AFF3: variants seen among roughly 807,000 people sequenced by gnomAD.
AFF3 encodes AF4/FMR2 family member 3.
In AFF3, 32 loss-of-function variants were observed where a neutral mutation model predicts 129.7. That is an observed-to-expected ratio of 0.25 (90% CI 0.19 to 0.33). The LOEUF is 0.33. Ranked by LOEUF, AFF3 falls within the 10% of genes least tolerant of loss-of-function variation. AFF3 has a pLI of 1.00. For synonymous variants in AFF3, 644 were observed against 635.4 expected, an observed-to-expected ratio of 1.01 and a Z score of -0.20; for missense variants, 1,373 against 1,592.0, an observed-to-expected ratio of 0.86 and a Z score of 2.34.
intron 11 of AFF3, among the ~76,000 whole-genome samples, chr2:99,677,037 G>A (rs1674004287): frequency 6.6e-6 from 1 of 152,196 alleles, no homozygotes; most frequent in Non-Finnish European, 1.5e-5. Flanking sequence ...GGGAGGCCAA[G>A]GCTGGCGGAT....
chr2:99,904,665 T>C (rs1694582768), intron 7 of AFF3, among the ~76,000 whole-genome samples: 2 of 152,192 alleles, frequency 1.3e-5, no homozygotes, highest in Admixed American at 6.5e-5. Flanking sequence ...TGTGTGTTTT[T>C]CATTTTGTTT....
chr2:99,743,517 T>C (rs1680889374), intron 10 of AFF3, among the ~76,000 whole-genome samples: 1 of 152,170 alleles, frequency 6.6e-6, no homozygotes, highest in Non-Finnish European at 1.5e-5. Flanking sequence ...TTAATACCAA[T>C]TAGTAGTGCC....
chr2:99,569,209 T>TA (rs35793382), intron 18 of AFF3, among the ~76,000 whole-genome samples: 13 of 150,992 alleles, frequency 8.6e-5, no homozygotes, highest in African/African-American at 2.7e-4. Context: ...ATTGTATGGT[T>TA]AAAAAAAAAG....
chr2:99,946,933 G>T (rs1675629092), intron 7 of AFF3, among the ~76,000 whole-genome samples: 2 of 152,084 alleles, frequency 1.3e-5, no homozygotes, highest in African/African-American at 4.8e-5. Flanking sequence ...CCCCATTCTA[G>T]ACAAAATGAT....
chr2:99,565,781 T>C (rs1675903646), intron 19 of AFF3, among the ~76,000 whole-genome samples, 158 bp from the exon 20 acceptor site: 1 of 152,216 alleles, frequency 6.6e-6, no homozygotes, highest in Non-Finnish European at 1.5e-5. Flanking sequence ...TTTTCCTACT[T>C]ATTTTCTCAA....
At chr2:99,970,325 T>C (rs1678231750) in intron 7 of AFF3, among the ~76,000 whole-genome samples, 1 of 152,150 alleles carries the variant, frequency 6.6e-6, no homozygotes, top group Non-Finnish European at 1.5e-5. Context: ...CCCCTTCTGC[T>C]TTCAAACAAT....
intron 7 of AFF3, among the ~76,000 whole-genome samples, chr2:99,914,975 T>A (rs1695375650): frequency 6.6e-6 from 1 of 152,026 alleles, no homozygotes; most frequent in African/African-American, 2.4e-5. Flanking sequence ...CAACTTACTC[T>A]CTGTAGATGT....
intron 11 of AFF3, among the ~76,000 whole-genome samples, chr2:99,713,030 A>T (rs1354484978): frequency 6.6e-6 from 1 of 152,246 alleles, no homozygotes; most frequent in African/African-American, 2.4e-5. Context: ...AGGTCCCCAG[A>T]GTAGTCAAAT....
chr2:99,937,489 C>G (rs1674625478), intron 7 of AFF3, among the ~76,000 whole-genome samples: 1 of 152,120 alleles, frequency 6.6e-6, no homozygotes, highest in African/African-American at 2.4e-5. Flanking sequence ...ACCTACGCCT[C>G]CCAGGTTCAA....
intron 4 of AFF3, among the ~76,000 whole-genome samples, chr2:100,100,699 C>T (rs1345077605): frequency 6.6e-6 from 1 of 152,224 alleles, no homozygotes; most frequent in East Asian, 1.9e-4. Flanking sequence ...CAGAAACCAG[C>T]ACAAGGTCTT....
intron 8 of AFF3, among the ~76,000 whole-genome samples, chr2:99,821,887 T>G (rs2105689290): frequency 6.6e-6 from 1 of 152,294 alleles, no homozygotes; most frequent in Middle Eastern, 3.4e-3. Context: ...ACAAGCAATC[T>G]GCAGCTTCTC....
intron 4 of AFF3, among the ~76,000 whole-genome samples, chr2:100,012,057 C>T (rs545870514): frequency 6.6e-6 from 1 of 152,248 alleles, no homozygotes; most frequent in African/African-American, 2.4e-5. Flanking sequence ...GTTCTACCCG[C>T]ATAACCAGCC....
chr2:99,626,410 TC>T (rs1682562456), intron 13 of AFF3, among the ~76,000 whole-genome samples: 1 of 68,352 alleles, frequency 1.5e-5, no homozygotes, highest in Non-Finnish European at 2.7e-5. Flanking sequence ...TTCCCTTCCC[TC>T]CCCTCCCTTT....
intron 8 of AFF3, among the ~76,000 whole-genome samples, chr2:99,775,926 T>C (rs1228086103): frequency 6.6e-6 from 1 of 152,168 alleles, no homozygotes; most frequent in Non-Finnish European, 1.5e-5. Context: ...AGGAAACAAG[T>C]CAATACCCAC....
intron 9 of AFF3, 78 bp downstream of exon 9, chr2:99,752,143 T>C (rs1311780176): frequency 2.3e-6 from 3 of 1,279,044 alleles, no homozygotes; most frequent in Non-Finnish European, 3.4e-6. Context: ...GAAAAGACAA[T>C]CACGGGTAAA....
At chr2:99,861,060 T>G (rs1420084864) in intron 7 of AFF3, among the ~76,000 whole-genome samples, 1 of 152,164 alleles carries the variant, frequency 6.6e-6, no homozygotes, top group Admixed American at 6.5e-5. Flanking sequence ...GATTCTCTCC[T>G]TTGTGGAGAG....
intron 8 of AFF3, among the ~76,000 whole-genome samples, chr2:99,777,294 T>C (rs1237285380): frequency 2.6e-5 from 4 of 152,138 alleles, no homozygotes. Flanking sequence ...CAGTTCTTCC[T>C]GCACAGAGGA....
At chr2:99,944,768 G>C (rs1251615121) in intron 7 of AFF3, among the ~76,000 whole-genome samples, 6 of 152,152 alleles carry the variant, frequency 3.9e-5, no homozygotes, top group Non-Finnish European at 7.3e-5. Context: ...TAGCCAGAGT[G>C]ATATATAGTA....
chr2:99,794,402 G>T (rs2105464063), intron 8 of AFF3, among the ~76,000 whole-genome samples: 1 of 152,298 alleles, frequency 6.6e-6, no homozygotes, highest in African/African-American at 2.4e-5. Flanking sequence ...GTATTACTAA[G>T]ACATAGCTAG....
Sources: gnomAD v4.1 joint callset for allele counts (sites outside exome capture counted in the v4.1 genomes callset) on GRCh38, gnomAD v4.1.1 for gene constraint, MANE v1.5 for transcripts, NCBI Gene and HGNC (gene_info 2026-07-23, HGNC 2026-07-21) for gene names.